Variants in MAP1B observed in about 807,000 individuals in gnomAD.
The protein encoded by MAP1B is microtubule associated protein 1B.
Under a neutral mutation model 176.1 loss-of-function variants are expected in MAP1B, and 12 were observed. The ratio of observed to expected loss-of-function variants is 0.07; its 90% CI spans 0.04 to 0.11. The LOEUF (loss-of-function observed/expected upper bound fraction) is 0.11. Ranked by LOEUF, MAP1B falls within the 10% of genes least tolerant of loss-of-function variation. The pLI is 1.00. For missense variants in MAP1B, 2,523 were observed against 2,990.5 expected (o/e 0.84, Z 3.65); for synonymous variants, 1,044 against 1,135.0 (o/e 0.92, Z 1.61).
chr5:72,193,051 T>C (rs1249328092), intron 4 of MAP1B, among the ~76,000 whole-genome samples: 1 of 152,150 alleles, frequency 6.6e-6, no homozygotes, highest in Non-Finnish European at 1.5e-5. Flanking sequence ...CACTGTGGAG[T>C]TAAACATGAG....
At position 72,195,497 on chromosome 5, in the gene MAP1B, G is replaced by A. The variant is rs1277086019; in HGVS notation, c.2142G>A (p.Lys714=). 1.9e-6 allele frequency: 3 copies of A among 1,587,070 alleles called. No individual in the cohort carries two copies. Among genetic ancestry groups the A allele is most frequent in the Admixed American group, 1.9e-5 (1 of 52,244 alleles). Residue 714 remains lysine (K), a synonymous_variant, in exon 5 of 7, where the codon AAG becomes AAA. Transcript: ENST00000296755. ...CAAAGGAAGTCAAGAAGGAAGTTAAGAAGGAAGAGAAGAAGGAAGTGAAAA... is the reference window on the plus strand; with the variant it reads ...CAAAGGAAGTCAAGAAGGAAGTTAAAAAGGAAGAGAAGAAGGAAGTGAAAA... ...TPPKEVKKEV[K]KEEKKEVKKE...
intron 2 of MAP1B, among the ~76,000 whole-genome samples, chr5:72,182,930 T>C (rs770512091): frequency 5.3e-5 from 8 of 152,138 alleles, no homozygotes; most frequent in Non-Finnish European, 1.0e-4. Context: ...GGAGTCTTCA[T>C]AGAAGGTCAT....
chr5:72,199,100 T>C lies in MAP1B; in HGVS notation c.5745T>C (p.Ser1915=), dbSNP rs1333482514. ...YYEKIERTTK[S]PSDSGYSYET... is the part of the protein sequence containing the mutation. ...AGAAGATAGAGAGAACCACAAAATC[T>C]CCAAGTGACAGTGGCTACTCCTATG... The change falls in exon 5 of 7, where the codon TCT becomes TCC. Residue 1915 remains serine (S), a synonymous_variant. Transcript: ENST00000296755. This position sits in a 1 kb window ranked among gnomAD's most constrained non-coding sequence, Gnocchi z 4.2. 4.3e-6 allele frequency: 7 copies of C among 1,613,778 alleles called. No homozygotes were observed. Among genetic ancestry groups the C allele is most frequent in the Non-Finnish European group, 5.1e-6 (6 of 1,179,964 alleles).
chr5:72,110,710 T>C (rs972294941), intron 1 of MAP1B, among the ~76,000 whole-genome samples: 2 of 152,218 alleles, frequency 1.3e-5, no homozygotes. Context: ...TGTTACTCTT[T>C]CTTCCTATTT....
In MAP1B at chr5:72,186,233, C is replaced by T. The variant is rs1406345202; in HGVS notation, c.370-381C>T. ...GAGATAGTTCCGTCTTCCCTGGTTTCGCAGACCACGTGCTGCTAGCAGACA... is the reference window on the plus strand; with the variant it reads ...GAGATAGTTCCGTCTTCCCTGGTTTTGCAGACCACGTGCTGCTAGCAGACA... On this transcript the variant is annotated intron_variant, in intron 3 of 6. Coordinates refer to ENST00000296755, the MANE Select transcript of MAP1B (RefSeq NM_005909.5). The surrounding 1 kb of genome is among the most constrained non-coding windows in gnomAD (Gnocchi z 4.3). Among the ~76,000 whole-genome samples, 2 of 152,156 alleles carry T rather than the reference C, an allele frequency of 1.3e-5. No homozygotes were observed. The highest frequency in any genetic ancestry group is 2.9e-5 in the Non-Finnish European group (2 of 68,040).
At chr5:72,190,136 T>C (rs1035788546) in intron 4 of MAP1B, among the ~76,000 whole-genome samples, 4 of 152,182 alleles carry the variant, frequency 2.6e-5, no homozygotes, top group Non-Finnish European at 4.4e-5. Context: ...ATAATGTCTA[T>C]AGTTTTCAAT....
At chr5:72,184,159 C>A (rs532118956) in intron 3 of MAP1B, among the ~76,000 whole-genome samples, 1 of 152,132 alleles carries the variant, frequency 6.6e-6, no homozygotes, top group African/African-American at 2.4e-5. Flanking sequence ...GGAAAAGAGA[C>A]GCAAGCCCTC....
chr5:72,137,141 G>C (rs1450759456), intron 2 of MAP1B, among the ~76,000 whole-genome samples: 1 of 152,166 alleles, frequency 6.6e-6, no homozygotes, highest in Admixed American at 6.5e-5. Flanking sequence ...TATTCATAAG[G>C]ATGGCTTATG....
At chr5:72,191,515 G>A (rs909542003) in intron 4 of MAP1B, among the ~76,000 whole-genome samples, 1 of 152,218 alleles carries the variant, frequency 6.6e-6, no homozygotes, top group Admixed American at 6.5e-5. Flanking sequence ...AGAGGCTGTG[G>A]GGGAAAACAC....
intron 5 of MAP1B, 128 bp downstream of exon 5, chr5:72,200,495 T>C (rs968399755): frequency 8.4e-7 from 1 of 1,183,698 alleles, no homozygotes; most frequent in Non-Finnish European, 1.2e-6. Context: ...TTACCTTCCC[T>C]GTACTCTTCT....
chr5:72,196,848 T>C lies in MAP1B; in HGVS notation c.3493T>C (p.Tyr1165His), dbSNP rs759960157. ...PSQEFVNITK[Y>H]ESSLYSQEYS... The stretch of plus-strand genomic sequence containing the variant: ...TCAGGAATTCGTAAATATCACCAAA[T>C]ATGAATCTTCATTGTATTCTCAGGA... The change falls in exon 5 of 7, where the codon TAT becomes CAT. Residue 1165 changes from tyrosine to histidine, a missense_variant. Transcript: ENST00000296755. This position sits in a 1 kb window ranked among gnomAD's most constrained non-coding sequence, Gnocchi z 5.3. 1.2e-6 allele frequency: 2 copies of C among 1,614,144 alleles called. No individual in the cohort carries two copies. The highest frequency in any genetic ancestry group is 1.7e-6 in the Non-Finnish European group (2 of 1,179,998).
chr5:72,134,423 A>G (rs371240552), intron 2 of MAP1B, among the ~76,000 whole-genome samples: 4 of 152,144 alleles, frequency 2.6e-5, no homozygotes, highest in Non-Finnish European at 5.9e-5. Context: ...CAGACATTAC[A>G]TTTGTCTCCA....
At chr5:72,112,172 G>T (rs1745355325) in intron 1 of MAP1B, among the ~76,000 whole-genome samples, 1 of 152,090 alleles carries the variant, frequency 6.6e-6, no homozygotes. Flanking sequence ...ATATCCAAAA[G>T]CCTGTTTTTC....
chr5:72,163,916 C>CTTTTTTTTTTTTTTTTTTTTTT (rs796802217), intron 2 of MAP1B, among the ~76,000 whole-genome samples: 4 of 97,132 alleles, frequency 4.1e-5, no homozygotes, highest in Non-Finnish European at 5.7e-5. Context: ...CTCTCTCTCT[C>CTTTTTTTTTTTTTTTTTTTTTT]TTTTTTTTTT....
intron 2 of MAP1B, among the ~76,000 whole-genome samples, chr5:72,168,416 C>T (rs1031203953): frequency 9.9e-5 from 15 of 152,120 alleles, no homozygotes; most frequent in African/African-American, 2.4e-4. Context: ...ATTTTATTTA[C>T]GAAAGAGCAA....
chr5:72,109,532 A>G (rs1276438076), intron 1 of MAP1B, among the ~76,000 whole-genome samples: 1 of 152,290 alleles, frequency 6.6e-6, no homozygotes, highest in East Asian at 1.9e-4. Flanking sequence ...AAATAGGAAT[A>G]TATTAGGAGG....
chr5:72,135,484 C>T (rs1372473040), intron 2 of MAP1B, among the ~76,000 whole-genome samples: 2 of 152,212 alleles, frequency 1.3e-5, no homozygotes, highest in Admixed American at 1.3e-4. Context: ...TCTTGATTTC[C>T]TCCTTGTGGA....
rs1335544223 is a variant in MAP1B, at chr5:72,193,995, C to T, written c.640C>T (p.Leu214Phe). 1 of 1,614,192 alleles carries T rather than the reference C, an allele frequency of 6.2e-7. No homozygotes were observed. The highest frequency in any genetic ancestry group is 1.1e-5 in the South Asian group (1 of 91,076). ...TCTCCAAGACTTCATCAATATTAAA[C>T]TCAATTCAGCTTCTATCTTGCCAGA... ...HNLQDFINIK[L>F]NSASILPEME... Residue 214 changes from leucine to phenylalanine, a missense_variant, in exon 5 of 7, where the codon CTC (leucine) becomes TTC (phenylalanine). Physicochemically the swap from Leu to Phe is conservative, Grantham distance 22 (BLOSUM62 0). Coordinates refer to ENST00000296755, the MANE Select transcript of MAP1B (RefSeq NM_005909.5).
intron 5 of MAP1B, among the ~76,000 whole-genome samples, chr5:72,203,050 A>G (rs1020969061): frequency 1.3e-5 from 2 of 152,192 alleles, no homozygotes; most frequent in Non-Finnish European, 2.9e-5. Flanking sequence ...GATCAAAACT[A>G]TTTGCTAGGT....
Sources: allele counts gnomAD v4.1 joint callset (sites outside exome capture counted in the v4.1 genomes callset), GRCh38; gene constraint gnomAD v4.1.1; non-coding constraint Gnocchi (gnomAD v3.1); transcripts MANE v1.5; gene names NCBI Gene and HGNC (gene_info 2026-07-23, HGNC 2026-07-21).